FRMPD4: variants seen among roughly 807,000 people sequenced by gnomAD.
The protein encoded by FRMPD4 is FERM and PDZ domain containing 4.
FRMPD4 carries 22 observed loss-of-function variants against 94.1 expected under a neutral mutation model. The observed-to-expected ratio is 0.23, with a 90% CI of 0.17 to 0.33. The LOEUF (loss-of-function observed/expected upper bound fraction) is 0.33. FRMPD4 is among the 10% of genes least tolerant of loss of function. The pLI is 1.00. For synonymous variants in FRMPD4, 631 were observed against 548.6 expected (o/e 1.15, Z -2.10); for missense variants, 1,111 against 1,339.9 (o/e 0.83, Z 2.67).
chrX:12,473,953 C>T (rs1486523112), intron 1 of FRMPD4, among the ~76,000 whole-genome samples: 6 of 109,683 alleles, frequency 5.5e-5, no homozygotes, highest in Non-Finnish European at 1.1e-4. Flanking sequence ...CTCAGCTCTG[C>T]ACCAAGCGGA....
At chrX:12,439,138 C>A in intron 1 of FRMPD4, among the ~76,000 whole-genome samples, 1 of 111,207 alleles carries the variant, frequency 9.0e-6, no homozygotes, top group East Asian at 2.8e-4. Flanking sequence ...CTTATGAAAT[C>A]CATTATGAAA....
intron 1 of FRMPD4, among the ~76,000 whole-genome samples, chrX:12,452,124 A>G (rs1215358112): frequency 9.0e-6 from 1 of 111,225 alleles, no homozygotes; most frequent in Non-Finnish European, 1.9e-5. Flanking sequence ...ACCGAGACCA[A>G]CAAGGGCTGC....
chrX:12,070,297 AT>A (rs199733656), intron 3 of FRMPD4, among the ~76,000 whole-genome samples: 3 of 110,771 alleles, frequency 2.7e-5, no homozygotes, highest in African/African-American at 9.9e-5. Flanking sequence ...TTAATAGAGA[AT>A]TTTTTTCCCA....
At chrX:12,428,846 T>G (rs1268061559) in intron 1 of FRMPD4, among the ~76,000 whole-genome samples, 1 of 111,625 alleles carries the variant, frequency 9.0e-6, no homozygotes, top group Non-Finnish European at 1.9e-5. Context: ...TATTTCAATT[T>G]GTAGTTCTTC....
In FRMPD4 at chrX:12,298,904, C is replaced by T. The variant is rs184422780; in HGVS notation, c.41+159892C>T. On this transcript the variant is annotated intron_variant, in intron 1 of 16. Coordinates refer to ENST00000675598, the MANE Select transcript of FRMPD4 (RefSeq NM_001368397.1). ...GACCATCAACTCAAAGCCAGATGGG[C>T]GATAGAGGACTGAAAATCTATCCAT... Among the ~76,000 whole-genome samples the T allele has an allele frequency of 1.2e-3, 136 of 111,624 alleles. 1 individual carries two copies. Among genetic ancestry groups the T allele is most frequent in the Non-Finnish European group, 2.1e-3 (109 of 53,148 alleles).
chrX:12,289,198 A>G (rs1028384192), intron 1 of FRMPD4, among the ~76,000 whole-genome samples: 2 of 111,296 alleles, frequency 1.8e-5, no homozygotes, highest in Non-Finnish European at 3.8e-5. Flanking sequence ...TGATTTTTAA[A>G]TGCCAGCCTT....
chrX:11,854,037 A>G (rs933295632), intron 1 of FRMPD4, among the ~76,000 whole-genome samples: 2 of 112,057 alleles, frequency 1.8e-5, no homozygotes, highest in African/African-American at 6.5e-5. Flanking sequence ...AATAGATTTA[A>G]TCGACTCACA....
chrX:12,555,860 C>A (rs2058590075), intron 2 of FRMPD4, among the ~76,000 whole-genome samples: 1 of 112,107 alleles, frequency 8.9e-6, no homozygotes, highest in Admixed American at 9.4e-5. Flanking sequence ...ATATGCCATG[C>A]AAAGGTTTAC....
At chrX:11,842,021 T>A (rs1473628254) in intron 1 of FRMPD4, among the ~76,000 whole-genome samples, 1 of 110,855 alleles carries the variant, frequency 9.0e-6, no homozygotes, top group African/African-American at 3.3e-5. Context: ...TCCCCATTGC[T>A]TGTTTTTCTC....
At chrX:11,915,351 T>C (rs1024875858) in intron 3 of FRMPD4, among the ~76,000 whole-genome samples, 1 of 112,356 alleles carries the variant, frequency 8.9e-6, no homozygotes, top group Admixed American at 9.4e-5. Context: ...TGCTGCACAA[T>C]GGAAACCCAG....
At chrX:12,052,981 C>T (rs5935229) in intron 3 of FRMPD4, among the ~76,000 whole-genome samples, 1,406 of 111,119 alleles carry the variant, frequency 0.013, 7 homozygotes, top group South Asian at 0.019. Context: ...ACTTGGATCA[C>T]GCTCTCTCTA....
At chrX:12,032,215 T>C (rs902102095) in intron 3 of FRMPD4, among the ~76,000 whole-genome samples, 1 of 111,773 alleles carries the variant, frequency 8.9e-6, no homozygotes, top group Non-Finnish European at 1.9e-5. Flanking sequence ...CTTGAAGCCA[T>C]AGAAGTTGAA....
chrX:12,252,578 G>A (rs1455637308), intron 1 of FRMPD4, among the ~76,000 whole-genome samples: 1 of 112,019 alleles, frequency 8.9e-6, no homozygotes, highest in African/African-American at 3.2e-5. Flanking sequence ...AGATGATGAT[G>A]TTCTCACAAG....
chrX:12,331,733 ATATATAAT>A (rs1569234187), intron 1 of FRMPD4, among the ~76,000 whole-genome samples: 4 of 62,476 alleles, frequency 6.4e-5, no homozygotes, highest in African/African-American at 3.6e-4. Context: ...TAGTATATAA[ATATATAAT>A]TTATATATTT....
intron 1 of FRMPD4, among the ~76,000 whole-genome samples, chrX:11,855,732 G>A (rs1434029819): frequency 8.9e-6 from 1 of 112,142 alleles, no homozygotes; most frequent in Non-Finnish European, 1.9e-5. Flanking sequence ...CAAGTATCTA[G>A]GAAGTTCCAA....
At chrX:12,604,297 A>G (rs762721080) in intron 2 of FRMPD4, among the ~76,000 whole-genome samples, 1 of 111,838 alleles carries the variant, frequency 8.9e-6, no homozygotes, top group East Asian at 2.8e-4. Flanking sequence ...ACTATGTTCA[A>G]TGGTCACTTA....
chrX:12,517,925 T>C (rs1029733998), intron 2 of FRMPD4, among the ~76,000 whole-genome samples: 14 of 112,093 alleles, frequency 1.2e-4, no homozygotes, highest in Non-Finnish European at 1.9e-4. Flanking sequence ...TTCCTACAGG[T>C]AGGCCCCGCC....
At chrX:11,920,554 T>C (rs528493964) in intron 3 of FRMPD4, among the ~76,000 whole-genome samples, 4 of 112,317 alleles carry the variant, frequency 3.6e-5, no homozygotes, top group East Asian at 2.8e-4. Context: ...AACCTCCCCT[T>C]AGGAGGAACT....
At chrX:12,366,688 C>T (rs1358321512) in intron 1 of FRMPD4, among the ~76,000 whole-genome samples, 1 of 112,282 alleles carries the variant, frequency 8.9e-6, no homozygotes, top group East Asian at 2.8e-4. Flanking sequence ...TGATCCAGTC[C>T]TTGCTCTGAT....
Sources: allele counts gnomAD v4.1 joint callset (sites outside exome capture counted in the v4.1 genomes callset), GRCh38; gene constraint gnomAD v4.1.1; transcripts MANE v1.5; gene names NCBI Gene and HGNC (gene_info 2026-07-23, HGNC 2026-07-21).